The following IFT88 variants were observed in gnomAD, a reference collection of about 807,000 sequenced individuals.
IFT88 encodes intraflagellar transport 88.
IFT88 carries 74 observed loss-of-function variants against 119.5 expected under a neutral mutation model. That is an observed-to-expected ratio of 0.62 (90% CI 0.51 to 0.75). IFT88 has a LOEUF of 0.75. Ranked by LOEUF, IFT88 falls within the 30% of genes least tolerant of loss-of-function variation. IFT88 has a pLI of 0.00. For missense variants in IFT88, 961 were observed against 977.7 expected (o/e 0.98, Z 0.23); for synonymous variants, 279 against 316.7 (o/e 0.88, Z 1.26).
intron 22 of IFT88, among the ~76,000 whole-genome samples, chr13:20,661,231 A>G (rs915596266): frequency 3.3e-5 from 5 of 152,232 alleles, no homozygotes; most frequent in Non-Finnish European, 1.5e-5. Context: ...GGTTTTACAG[A>G]GGAAGTAACA....
chr13:20,612,658 G>T (rs1259769123), intron 13 of IFT88, among the ~76,000 whole-genome samples: 1 of 152,136 alleles, frequency 6.6e-6, no homozygotes, highest in Non-Finnish European at 1.5e-5. Context: ...TATGGAAATG[G>T]AAGGGAACCA....
At chr13:20,620,991 A>G (rs1401608530) in intron 14 of IFT88, among the ~76,000 whole-genome samples, 1 of 152,164 alleles carries the variant, frequency 6.6e-6, no homozygotes, top group African/African-American at 2.4e-5. Flanking sequence ...TTGTTCTTGG[A>G]CTTCTCAGTC....
chr13:20,633,365 G>A (rs1286883481), intron 16 of IFT88, among the ~76,000 whole-genome samples: 1 of 152,114 alleles, frequency 6.6e-6, no homozygotes, highest in African/African-American at 2.4e-5. Context: ...ACCCCAGCCA[G>A]CCATTGGATG....
At chr13:20,620,499 C>A (rs571653513) in intron 14 of IFT88, among the ~76,000 whole-genome samples, 1 of 152,278 alleles carries the variant, frequency 6.6e-6, no homozygotes, top group South Asian at 2.1e-4. Context: ...GAAACCTAAC[C>A]CCCAAGGTGG....
intron 3 of IFT88, among the ~76,000 whole-genome samples, chr13:20,586,809 T>C (rs190238193): frequency 5.1e-4 from 77 of 152,314 alleles, no homozygotes; most frequent in African/African-American, 1.8e-3. Context: ...TAAAATACCT[T>C]CCAATGTCTA....
chr13:20,580,777 G>A (rs2038452637), intron 2 of IFT88, among the ~76,000 whole-genome samples: 1 of 146,788 alleles, frequency 6.8e-6, no homozygotes, highest in African/African-American at 2.5e-5. Context: ...CCAGGGTGGA[G>A]TGCATTGGCG....
chr13:20,627,753 A>AG (rs2047584761), intron 15 of IFT88, among the ~76,000 whole-genome samples: 1 of 125,538 alleles, frequency 8.0e-6, no homozygotes, highest in African/African-American at 3.2e-5. Flanking sequence ...AAAAAAAAAA[A>AG]GGTTAAGAAT....
intron 23 of IFT88, 28 bp downstream of exon 23, chr13:20,663,632 T>G: frequency 2.7e-6 from 4 of 1,458,580 alleles, no homozygotes; most frequent in Non-Finnish European, 3.8e-6. Flanking sequence ...CAAACTGCAG[T>G]CTGTTAATTT....
At chr13:20,647,410 A>G (rs901414855) in intron 20 of IFT88, among the ~76,000 whole-genome samples, 2 of 152,158 alleles carry the variant, frequency 1.3e-5, no homozygotes, top group African/African-American at 4.8e-5. Context: ...TTCTTTACAT[A>G]TTCTTTAAAT....
At chr13:20,675,897 T>G (rs959701713) in intron 24 of IFT88, among the ~76,000 whole-genome samples, 16 of 152,268 alleles carry the variant, frequency 1.1e-4, no homozygotes, top group Admixed American at 9.8e-4. Context: ...CACTGTAGTT[T>G]GCTAATCCCT....
chr13:20,621,384 T>C (rs1487467211), intron 14 of IFT88, among the ~76,000 whole-genome samples: 1 of 152,114 alleles, frequency 6.6e-6, no homozygotes, highest in Non-Finnish European at 1.5e-5. Flanking sequence ...TGGTATTTCA[T>C]TATAGCAGCC....
chr13:20,588,024 T>G (rs1403436823), intron 3 of IFT88, among the ~76,000 whole-genome samples: 5 of 151,162 alleles, frequency 3.3e-5, no homozygotes, highest in African/African-American at 7.3e-5. Context: ...GGCTCTTGTA[T>G]ATTTCATTTT....
chr13:20,655,119 C>A (rs1012095555), intron 21 of IFT88, among the ~76,000 whole-genome samples: 1 of 152,156 alleles, frequency 6.6e-6, no homozygotes, highest in Admixed American at 6.5e-5. Context: ...AAATTGCTTT[C>A]TATAAACTTT....
At chr13:20,573,442 A>C (rs142518629) in intron 1 of IFT88, among the ~76,000 whole-genome samples, 6 of 152,076 alleles carry the variant, frequency 3.9e-5, no homozygotes, top group Admixed American at 6.5e-5. Context: ...GGCTCAAGTA[A>C]ACTTTTTAGA....
At chr13:20,586,020 T>G (rs1460821090) in intron 3 of IFT88, among the ~76,000 whole-genome samples, 1 of 152,206 alleles carries the variant, frequency 6.6e-6, no homozygotes, top group African/African-American at 2.4e-5. Flanking sequence ...AGTAAATCAG[T>G]GAACTTTGTC....
intron 24 of IFT88, among the ~76,000 whole-genome samples, chr13:20,677,516 A>T (rs554879063): frequency 4.7e-4 from 71 of 152,358 alleles, no homozygotes; most frequent in African/African-American, 1.4e-3. Flanking sequence ...GGAAAGGGAC[A>T]GGAGCAAAGG....
At chr13:20,610,979 A>C (rs564344196) in intron 13 of IFT88, among the ~76,000 whole-genome samples, 1 of 151,838 alleles carries the variant, frequency 6.6e-6, no homozygotes, top group African/African-American at 2.4e-5. Context: ...GCTCTACTAA[A>C]AATAACAAAA....
chr13:20,624,149 A>G (rs1462673475), intron 14 of IFT88, among the ~76,000 whole-genome samples: 2 of 152,166 alleles, frequency 1.3e-5, no homozygotes, highest in Non-Finnish European at 2.9e-5. Context: ...TGAAAAGAAC[A>G]TGTATTCTGC....
chr13:20,611,234 A>T (rs2044455200), intron 13 of IFT88, among the ~76,000 whole-genome samples: 1 of 151,958 alleles, frequency 6.6e-6, no homozygotes, highest in Admixed American at 6.6e-5. Context: ...AAAAAGTCCA[A>T]CAAGAAACAA....
Sources: allele counts gnomAD v4.1 joint callset (sites outside exome capture counted in the v4.1 genomes callset), GRCh38; gene constraint gnomAD v4.1.1; transcripts MANE v1.5; gene names NCBI Gene and HGNC (gene_info 2026-07-23, HGNC 2026-07-21).